TRABD2A: variants seen among roughly 807,000 people sequenced by gnomAD.
TRABD2A encodes metalloprotease TIKI1.
A neutral mutation model predicts 45.6 loss-of-function variants in TRABD2A; 43 were observed. The observed-to-expected ratio is 0.94, with a 90% confidence interval of 0.74 to 1.22. TRABD2A has a LOEUF of 1.22. Among genes scored for constraint, TRABD2A ranks in the 50% most tolerant of loss-of-function variants. The pLI is 0.00. For missense variants in TRABD2A, 642 were observed against 652.4 expected, an observed-to-expected ratio of 0.98 and a Z score of 0.17; for synonymous variants, 269 against 265.0, an observed-to-expected ratio of 1.02 and a Z score of -0.15.
intron 4 of TRABD2A, chr2:84,835,623 A>T (rs1355992512): frequency 6.6e-6 from 1 of 152,186 alleles, no homozygotes; most frequent in Admixed American, 6.5e-5. Context: ...CACTGTGTTG[A>T]CCAGGCTGGT....
intron 2 of TRABD2A, among the ~76,000 whole-genome samples, chr2:84,864,837 A>G (rs868841361): frequency 1.3e-5 from 2 of 152,094 alleles, no homozygotes; most frequent in East Asian, 3.9e-4. Context: ...AGGCCACCCC[A>G]TCCTCAAAGA....
chr2:84,854,942 C>G (rs1206444278), intron 2 of TRABD2A, among the ~76,000 whole-genome samples: 2 of 152,104 alleles, frequency 1.3e-5, no homozygotes, highest in Non-Finnish European at 2.9e-5. Flanking sequence ...CCAAAGGTGT[C>G]AAATCACTGT....
chr2:84,874,042 G>A (rs1682951563), intron 1 of TRABD2A, among the ~76,000 whole-genome samples: 1 of 152,118 alleles, frequency 6.6e-6, no homozygotes, highest in Admixed American at 6.5e-5. Flanking sequence ...ATGGAGGGGT[G>A]GGGTTCGTTT....
intron 2 of TRABD2A, among the ~76,000 whole-genome samples, chr2:84,868,472 C>T (rs1246940210): frequency 1.1e-4 from 17 of 151,778 alleles, no homozygotes; most frequent in South Asian, 4.2e-4. Context: ...GCATTATCCT[C>T]CCCCATTAAC....
At chr2:84,824,277 A>G (rs550725022) in intron 5 of TRABD2A, 73 bp from the exon 6 acceptor site, 2 of 1,561,902 alleles carry the variant, frequency 1.3e-6, no homozygotes, top group East Asian at 2.3e-5. Context: ...GCTCTCTTAC[A>G]CCTCAGGGTT....
chr2:84,877,712 C>T (rs1217248771), intron 1 of TRABD2A, among the ~76,000 whole-genome samples: 3 of 152,178 alleles, frequency 2.0e-5, no homozygotes, highest in African/African-American at 7.2e-5. Context: ...TGTAGTCCAT[C>T]CAGTGAAAAA....
Position 84,832,060 on chromosome 2 carries a change from G to A in TRABD2A, c.1077C>T (p.Ile359=), listed in dbSNP as rs764850937. ...EVEHAPAGRP[I]HKGKSKKTST... ...TAGAAGCACAGGACGGTTACTTGTG[G>A]ATGGGTCGTCCAGCAGGGGCGTGTT... The change falls in exon 5 of 7, where the codon ATC becomes ATT. Residue 359 remains isoleucine (I), a synonymous_variant. Transcript: ENST00000409520. The A allele has an allele frequency of 1.2e-6, 2 of 1,613,890 alleles. No homozygotes were observed. The highest frequency in any genetic ancestry group is 1.7e-6 in the Non-Finnish European group (2 of 1,179,892).
At position 84,880,546 on chromosome 2, in the gene TRABD2A, T is replaced by A. The variant is rs184725399; in HGVS notation, c.108+386A>T. 1.6e-3 allele frequency among the ~76,000 whole-genome samples: 242 copies of A among 152,286 alleles called. 1 individual carries two copies. The highest frequency in any genetic ancestry group is 5.6e-3 in the African/African-American group (231 of 41,562). ...AATATTTTGATAAGAGCAGGTGAAA[T>A]TAAACTCTTAAGGAAGAGAGGGAAG... On this transcript the variant is annotated intron_variant, in intron 1 of 6. Transcript: ENST00000409520.
intron 3 of TRABD2A, among the ~76,000 whole-genome samples, chr2:84,840,791 C>A (rs1681685455): frequency 6.6e-6 from 1 of 152,170 alleles, no homozygotes; most frequent in African/African-American, 2.4e-5. Flanking sequence ...TCTTGTTCTC[C>A]CTTTCCTCCT....
At chr2:84,835,789 G>C (rs1681489445) in intron 4 of TRABD2A, 2 of 151,932 alleles carry the variant, frequency 1.3e-5, no homozygotes, top group African/African-American at 4.8e-5. Context: ...GAAGGCACAA[G>C]GGCAAAAAAA....
chr2:84,843,164 A>G (rs988026544), intron 2 of TRABD2A, among the ~76,000 whole-genome samples: 1 of 151,918 alleles, frequency 6.6e-6, no homozygotes, highest in Non-Finnish European at 1.5e-5. Context: ...ATGCAGCTCT[A>G]TAGCCTCTGA....
intron 5 of TRABD2A, among the ~76,000 whole-genome samples, chr2:84,829,877 A>G (rs958072060): frequency 2.0e-5 from 3 of 149,258 alleles, no homozygotes; most frequent in African/African-American, 7.4e-5. Context: ...CATGCACACT[A>G]CACACACACA....
intron 4 of TRABD2A, chr2:84,837,972 G>C (rs543379534): frequency 4.9e-6 from 2 of 405,974 alleles, no homozygotes; most frequent in Non-Finnish European, 8.7e-6. Context: ...CAGCAACTAT[G>C]ATGTTAAACA....
chr2:84,842,077 A>G (rs1408834486), intron 2 of TRABD2A, 70 bp from the exon 3 acceptor site: 4 of 1,404,366 alleles, frequency 2.8e-6, no homozygotes, highest in Admixed American at 5.9e-5. Flanking sequence ...TCTTTTGTCC[A>G]TGGCTGGAAA....
At position 84,841,963 on chromosome 2, in the gene TRABD2A, C is replaced by T; in HGVS notation, c.714G>A (p.Leu238=). ...AGGGGATCTGAAGACTGCCTGCTCG[C>T]AGGCTTTCCTGCTGCAGGAGGGTCT... ...LNQTLLQQES[L]RAGSLQIPYT... The change falls in exon 3 of 7, where the codon CTG becomes CTA. Residue 238 remains leucine (L), a synonymous_variant. Coordinates refer to ENST00000409520, the MANE Select transcript of TRABD2A (RefSeq NM_001277053.2). The T allele has an allele frequency of 6.5e-7, 1 of 1,543,464 alleles. No homozygotes were observed. Among genetic ancestry groups the T allele is most frequent in the Non-Finnish European group, 8.7e-7 (1 of 1,143,960 alleles).
chr2:84,838,205 T>C (rs1323667872), intron 4 of TRABD2A: 17 of 717,534 alleles, frequency 2.4e-5, no homozygotes, highest in East Asian at 5.4e-5. Flanking sequence ...ACAGCTACTG[T>C]AGTTCAAGGC....
At chr2:84,848,370 ATAGATAG>A (rs1681973302) in intron 2 of TRABD2A, among the ~76,000 whole-genome samples, 1 of 137,378 alleles carries the variant, frequency 7.3e-6, no homozygotes, top group Non-Finnish European at 1.5e-5. Context: ...AGATAGATAG[ATAGATAG>A]ACAGACAGAC....
At chr2:84,874,862 A>T in intron 1 of TRABD2A, 1 of 181,088 alleles carries the variant, frequency 5.5e-6, no homozygotes, top group Non-Finnish European at 1.2e-5. Context: ...GCCTTCAAGG[A>T]ACCACCAAGA....
intron 2 of TRABD2A, among the ~76,000 whole-genome samples, chr2:84,850,068 C>T (rs1682029326): frequency 6.6e-6 from 1 of 152,162 alleles, no homozygotes; most frequent in African/African-American, 2.4e-5. Context: ...CTCTCTAATG[C>T]CGTCTTGCCA....
Sources: gnomAD v4.1 joint callset for allele counts (sites outside exome capture counted in the v4.1 genomes callset) on GRCh38, gnomAD v4.1.1 for gene constraint, MANE v1.5 for transcripts, NCBI Gene and HGNC (gene_info 2026-07-23, HGNC 2026-07-21) for gene names.